TGFA: variants seen among roughly 807,000 people sequenced by gnomAD.
TGFA encodes the protein protransforming growth factor alpha.
In TGFA, 12 loss-of-function variants were observed where a neutral mutation model predicts 21.7. The ratio of observed to expected loss-of-function variants is 0.55; its 90% CI spans 0.35 to 0.90. The LOEUF is 0.90. Ranked by LOEUF, TGFA falls within the 40% of genes least tolerant of loss-of-function variation. The probability of loss-of-function intolerance (pLI) is 0.01; values close to 1 mark genes in which losing one functional copy is unlikely to be tolerated. For missense variants in TGFA, 178 were observed against 210.8 expected (o/e 0.84, Z 0.96); for synonymous variants, 79 against 88.1 (o/e 0.90, Z 0.58).
At chr2:70,508,821 G>A (rs914764497) in intron 2 of TGFA, among the ~76,000 whole-genome samples, 1 of 152,182 alleles carries the variant, frequency 6.6e-6, no homozygotes, top group African/African-American at 2.4e-5. Flanking sequence ...ATGGCAGAAC[G>A]GAGGTTCAAG....
intron 2 of TGFA, among the ~76,000 whole-genome samples, chr2:70,479,804 TCTTA>T (rs1316244101): frequency 2.0e-5 from 3 of 152,246 alleles, no homozygotes; most frequent in African/African-American, 7.2e-5. Flanking sequence ...TGTAGCTGTT[TCTTA>T]CTTGTTTCAT....
chr2:70,553,214 C>A, intron 1 of TGFA: 2 of 1,536,182 alleles, frequency 1.3e-6, no homozygotes, highest in Non-Finnish European at 1.7e-6. Flanking sequence ...GAAAAGAGAT[C>A]GAGGGCGCCT....
intron 1 of TGFA, among the ~76,000 whole-genome samples, chr2:70,526,598 A>G (rs1553503012): frequency 6.6e-6 from 1 of 152,214 alleles, no homozygotes; most frequent in East Asian, 1.9e-4. Flanking sequence ...AGCATCATGT[A>G]TCTTTTAGCA....
intron 4 of TGFA, among the ~76,000 whole-genome samples, chr2:70,455,605 T>G (rs951360146): frequency 3.9e-5 from 6 of 152,222 alleles, no homozygotes; most frequent in Non-Finnish European, 7.3e-5. Flanking sequence ...CTGCAATTAC[T>G]TTTGCACCAA....
At chr2:70,475,532 G>A (rs1288527468) in intron 2 of TGFA, among the ~76,000 whole-genome samples, 4 of 152,170 alleles carry the variant, frequency 2.6e-5, no homozygotes, top group African/African-American at 9.7e-5. Flanking sequence ...GTGTGTGGAT[G>A]TGTGTGAGAG....
At chr2:70,532,574 T>G (rs1672844046) in intron 1 of TGFA, among the ~76,000 whole-genome samples, 1 of 152,198 alleles carries the variant, frequency 6.6e-6, no homozygotes, top group African/African-American at 2.4e-5. Flanking sequence ...TTGTTTAAAG[T>G]ATATTCAAGG....
rs73939055 is a variant in TGFA, at chr2:70,473,292, G to A, written c.95-7556C>T. On this transcript the variant is annotated intron_variant, in intron 2 of 5. Transcript: ENST00000295400. ...AGGCTTACACTCGGGTGGCAGAACTGCTAAGCCAGAGCTTAGAGAAGTAAA... is the reference window on the plus strand; with the variant it reads ...AGGCTTACACTCGGGTGGCAGAACTACTAAGCCAGAGCTTAGAGAAGTAAA... Among the ~76,000 whole-genome samples, 515 of 152,290 alleles carry A rather than the reference G, an allele frequency of 3.4e-3. 6 individuals carry two copies. Among genetic ancestry groups the A allele is most frequent in the African/African-American group, 0.012 (496 of 41,552 alleles).
At chr2:70,478,175 G>C (rs980193227) in intron 2 of TGFA, among the ~76,000 whole-genome samples, 1 of 152,158 alleles carries the variant, frequency 6.6e-6, no homozygotes, top group African/African-American at 2.4e-5. Context: ...ACAGTCTTTT[G>C]GGGTGAGGAG....
At position 70,488,810 on chromosome 2, in the gene TGFA, A is replaced by G. The variant is rs1231193293; in HGVS notation, c.95-23074T>C. ...GAGTTTTCCTAGTCACAAATGTGCT[A>G]TGCTTCTCCATTTATTCGCATTTCT... On this transcript the variant is annotated intron_variant, in intron 2 of 5. Transcript: ENST00000295400. Among the ~76,000 whole-genome samples, 29 of 152,232 alleles carry G rather than the reference A, an allele frequency of 1.9e-4. 1 individual carries two copies. The highest frequency in any genetic ancestry group is 1.9e-3 in the Admixed American group (29 of 15,284).
chr2:70,533,312 C>A (rs1245367953), intron 1 of TGFA, among the ~76,000 whole-genome samples: 3 of 152,036 alleles, frequency 2.0e-5, no homozygotes, highest in Admixed American at 6.6e-5. Context: ...AAATGTTAAA[C>A]CTTTTCCCCC....
Position 70,472,595 on chromosome 2 carries a change from C to T in TGFA, c.95-6859G>A, listed in dbSNP as rs139320609. On this transcript the variant is annotated intron_variant, in intron 2 of 5. Coordinates refer to ENST00000295400, the MANE Select transcript of TGFA (RefSeq NM_003236.4). ...ATTCACAGGAGGGGTCTCCGTAGTT[C>T]AGAGGAGCCAGGGAGACAGCCATCT... Among the ~76,000 whole-genome samples, 3 of 152,280 alleles carry T rather than the reference C, an allele frequency of 2.0e-5. No individual in the cohort carries two copies. The East Asian group carries it at 5.8e-4, about 29-fold the overall frequency.
intron 1 of TGFA, among the ~76,000 whole-genome samples, chr2:70,527,806 G>T (rs1672685037): frequency 6.6e-6 from 1 of 152,190 alleles, no homozygotes; most frequent in African/African-American, 2.4e-5. Context: ...ACCAGCTGAT[G>T]ACAGTTACAG....
intron 1 of TGFA, chr2:70,553,459 C>A (rs1026273411): frequency 6.4e-6 from 9 of 1,410,994 alleles, no homozygotes; most frequent in Non-Finnish European, 8.3e-6. Context: ...AGTTCAAGCC[C>A]GTTCACACTC....
intron 2 of TGFA, among the ~76,000 whole-genome samples, chr2:70,485,209 C>T (rs1350688857): frequency 2.0e-5 from 3 of 152,142 alleles, no homozygotes; most frequent in Non-Finnish European, 4.4e-5. Flanking sequence ...GCTCACCCTT[C>T]CTAAATTGAT....
At chr2:70,505,098 T>C (rs569223839) in intron 2 of TGFA, among the ~76,000 whole-genome samples, 2 of 152,376 alleles carry the variant, frequency 1.3e-5, no homozygotes, top group East Asian at 1.9e-4. Flanking sequence ...ATTATGTAAA[T>C]TCTATTGTGA....
intron 3 of TGFA, among the ~76,000 whole-genome samples, chr2:70,458,568 G>A (rs1010225981): frequency 5.3e-5 from 8 of 152,138 alleles, no homozygotes; most frequent in African/African-American, 1.9e-4. Context: ...GGACACACCT[G>A]CAGAATGAAT....
At chr2:70,527,811 T>C (rs1379049845) in intron 1 of TGFA, among the ~76,000 whole-genome samples, 6 of 152,206 alleles carry the variant, frequency 3.9e-5, no homozygotes, top group African/African-American at 1.2e-4. Flanking sequence ...CTGATGACAG[T>C]TACAGCACTG....
At chr2:70,513,013 C>T (rs976780100) in intron 2 of TGFA, among the ~76,000 whole-genome samples, 2 of 152,164 alleles carry the variant, frequency 1.3e-5, no homozygotes, top group Non-Finnish European at 2.9e-5. Context: ...CCCCTTCTGG[C>T]TTAATCTCAA....
Position 70,553,715 on chromosome 2 carries a change from C to A in TGFA, c.40+13G>T. On this transcript the variant is annotated intron_variant, in intron 1 of 5. Coordinates refer to ENST00000295400, the MANE Select transcript of TGFA (RefSeq NM_003236.4). ...TCGCGCGGCGCAGGGGGCGCCGCAG[C>A]CGGCGTACGTACCCAGAGCGAACAG... 7.5e-7 allele frequency: 1 copy of A among 1,330,966 alleles called. No homozygotes were observed. Among genetic ancestry groups the A allele is most frequent in the Non-Finnish European group, 9.6e-7 (1 of 1,038,120 alleles). The allele number at this position is 1,330,966 out of a possible 1,614,324, so 82.4% of individuals were successfully genotyped here.
Sources: gnomAD v4.1 joint callset for allele counts (sites outside exome capture counted in the v4.1 genomes callset) on GRCh38, gnomAD v4.1.1 for gene constraint, MANE v1.5 for transcripts, NCBI Gene and HGNC (gene_info 2026-07-23, HGNC 2026-07-21) for gene names.